TRANK1: variants seen among roughly 807,000 people sequenced by gnomAD.
The protein encoded by TRANK1 is TPR and ankyrin repeat-containing protein 1.
Under a neutral mutation model 266.0 loss-of-function variants are expected in TRANK1, and 198 were observed. That is an observed-to-expected ratio of 0.74 (90% CI 0.66 to 0.84). The LOEUF (loss-of-function observed/expected upper bound fraction) is 0.84, where lower values mean the gene tolerates loss of function less well. TRANK1 is among the 40% of genes least tolerant of loss of function. The probability of loss-of-function intolerance (pLI) is 0.00; values close to 1 mark genes in which losing one functional copy is unlikely to be tolerated. For synonymous variants in TRANK1, 1,396 were observed against 1,384.1 expected (o/e 1.01, Z -0.19); for missense variants, 3,326 against 3,634.6 (o/e 0.92, Z 2.18).
chr3:36,889,504 A>G (rs1036932203), intron 8 of TRANK1, among the ~76,000 whole-genome samples: 3 of 152,246 alleles, frequency 2.0e-5, no homozygotes, highest in Non-Finnish European at 4.4e-5. Context: ...CAGATTTGGC[A>G]TAAAATAAAA....
intron 17 of TRANK1, among the ~76,000 whole-genome samples, chr3:36,843,245 AAGG>A (rs901126731): frequency 6.6e-6 from 1 of 152,152 alleles, no homozygotes; most frequent in Admixed American, 6.5e-5. Flanking sequence ...AGGTTATTGA[AAGG>A]AGGAGGTAGA....
At chr3:36,882,009 T>C (rs1162322547) in intron 8 of TRANK1, among the ~76,000 whole-genome samples, 1 of 152,264 alleles carries the variant, frequency 6.6e-6, no homozygotes, top group East Asian at 1.9e-4. Flanking sequence ...ATTTGGGTTG[T>C]TTCCACTTTT....
Position 36,832,746 on chromosome 3 carries a change from C to G in TRANK1, c.6837G>C (p.Gln2279His). The G allele has an allele frequency of 6.2e-7, 1 of 1,614,014 alleles. No individual in the cohort carries two copies. Among genetic ancestry groups the G allele is most frequent in the Non-Finnish European group, 8.5e-7 (1 of 1,179,902 alleles). The change falls in exon 22 of 24, where the codon CAG becomes CAC. Residue 2279 changes from glutamine (Q) to histidine (H), a missense_variant. Gln to His is a conservative substitution (Grantham distance 24). Transcript: ENST00000645898. ...LDVLFPKHFH[Q>H]RVLSENPMAC... is the part of the protein sequence containing the mutation. ...CCATGGGGTTTTCTGACAACACTCT[C>G]TGATGGAAATGCTTAGGGAAAAGGA...
chr3:36,832,728 G>A lies in TRANK1; in HGVS notation c.6855C>T (p.Asn2285=). 6.2e-7 allele frequency: 1 copy of A among 1,614,026 alleles called. No homozygotes were observed. Among genetic ancestry groups the A allele is most frequent in the Non-Finnish European group, 8.5e-7 (1 of 1,179,898 alleles). Residue 2285 remains asparagine, a synonymous_variant, in exon 22 of 24, where the codon AAC becomes AAT. Transcript: ENST00000645898. ...KHFHQRVLSE[N]PMACKEILKP... ...TGAGGATTTCTTTGCATGCCATGGG[G>A]TTTTCTGACAACACTCTCTGATGGA...
intron 11 of TRANK1, among the ~76,000 whole-genome samples, chr3:36,859,980 G>C (rs2079117935): frequency 6.6e-6 from 1 of 152,148 alleles, no homozygotes; most frequent in Non-Finnish European, 1.5e-5. Flanking sequence ...AACACACAAT[G>C]TCTTGTGTGT....
At chr3:36,879,781 A>AATATATAAATATATAAATATATAAAT (rs1295088679) in intron 8 of TRANK1, among the ~76,000 whole-genome samples, 1 of 67,686 alleles carries the variant, frequency 1.5e-5, no homozygotes, top group South Asian at 4.1e-4. Context: ...AATATATATA[A>AATATATAAATATATAAATATATAAAT]ATATGTAAAT....
intron 1 of TRANK1, among the ~76,000 whole-genome samples, chr3:36,918,681 G>A (rs536141818): frequency 4.0e-5 from 6 of 148,664 alleles, no homozygotes; most frequent in Non-Finnish European, 8.9e-5. Flanking sequence ...GAAAGAAAAA[G>A]AAAGAAACGC....
intron 8 of TRANK1, among the ~76,000 whole-genome samples, chr3:36,878,190 G>A (rs954322014): frequency 2.0e-5 from 3 of 152,126 alleles, no homozygotes; most frequent in East Asian, 1.9e-4. Context: ...TGTGAACTAC[G>A]CATGTGAGGG....
intron 20 of TRANK1, among the ~76,000 whole-genome samples, chr3:36,836,983 GC>G (rs1214409671): frequency 7.9e-5 from 12 of 152,286 alleles, no homozygotes; most frequent in African/African-American, 2.9e-4. Context: ...CCCAGTCCTT[GC>G]CACAGTCACC....
chr3:36,900,173 C>A (rs1347717244), intron 3 of TRANK1, among the ~76,000 whole-genome samples: 2 of 152,088 alleles, frequency 1.3e-5, no homozygotes, highest in Non-Finnish European at 2.9e-5. Flanking sequence ...CTGCACCTGG[C>A]CTTATTTATT....
intron 4 of TRANK1, among the ~76,000 whole-genome samples, chr3:36,896,190 T>C (rs1315409415): frequency 6.6e-6 from 1 of 152,252 alleles, no homozygotes; most frequent in Non-Finnish European, 1.5e-5. Context: ...ATAGGTTTCA[T>C]GGCATATCAT....
intron 1 of TRANK1, among the ~76,000 whole-genome samples, chr3:36,944,415 G>C (rs1467657193): frequency 6.6e-6 from 1 of 152,194 alleles, no homozygotes; most frequent in Non-Finnish European, 1.5e-5. Flanking sequence ...TGCTTGCCCC[G>C]GGGGCGCGCT....
At chr3:36,916,839 G>T (rs537941471) in intron 1 of TRANK1, among the ~76,000 whole-genome samples, 2 of 150,482 alleles carry the variant, frequency 1.3e-5, no homozygotes, top group Non-Finnish European at 3.0e-5. Context: ...TGAAGAGACC[G>T]GAGTCTTGCT....
chr3:36,878,073 G>A (rs557943663), intron 8 of TRANK1, among the ~76,000 whole-genome samples: 279 of 152,260 alleles, frequency 1.8e-3, no homozygotes, highest in African/African-American at 6.3e-3. Flanking sequence ...GTTAGGAAGC[G>A]GGCCTCACAG....
chr3:36,849,311 G>A lies in TRANK1; in HGVS notation c.4888-1965C>T, dbSNP rs112960902. On this transcript the variant is annotated intron_variant, in intron 15 of 23. Coordinates refer to ENST00000645898, the MANE Select transcript of TRANK1 (RefSeq NM_001329998.2). ...CTAAGTCCCCACAGAAGGATAGCTT[G>A]AGGGTGACTGGAAGAATGACTTCCT... Among the ~76,000 whole-genome samples the A allele has an allele frequency of 8.7e-3, 1,318 of 152,280 alleles. 18 individuals carry two copies. The highest frequency in any genetic ancestry group is 0.031 in the African/African-American group (1,275 of 41,556).
chr3:36,899,348 A>G (rs753203918), intron 3 of TRANK1, 89 bp from the exon 4 acceptor site: 9 of 1,403,606 alleles, frequency 6.4e-6, no homozygotes, highest in Non-Finnish European at 7.6e-6. Flanking sequence ...AACATGGGAA[A>G]TCCAACTCTA....
At chr3:36,858,133 G>T in intron 12 of TRANK1, 84 bp from the exon 13 acceptor site, 1 of 1,152,940 alleles carries the variant, frequency 8.7e-7, no homozygotes, top group Non-Finnish European at 1.2e-6. Context: ...AGTGATGCCA[G>T]CCAGGGGCAT....
At chr3:36,872,457 A>G (rs1372528303) in intron 9 of TRANK1, among the ~76,000 whole-genome samples, 4 of 152,214 alleles carry the variant, frequency 2.6e-5, no homozygotes, top group Non-Finnish European at 5.9e-5. Context: ...AATTCAGAGA[A>G]GAAAGGAGAA....
intron 13 of TRANK1, 86 bp from the exon 14 acceptor site, chr3:36,852,431 T>C (rs2078997095): frequency 7.7e-7 from 1 of 1,304,366 alleles, no homozygotes; most frequent in Admixed American, 2.8e-5. Context: ...ATGTTTTTCC[T>C]GAGAAGCAGG....
Sources: gnomAD v4.1 joint callset for allele counts (sites outside exome capture counted in the v4.1 genomes callset) on GRCh38, gnomAD v4.1.1 for gene constraint, MANE v1.5 for transcripts, NCBI Gene and HGNC (gene_info 2026-07-23, HGNC 2026-07-21) for gene names.